SRPK2: variants seen among roughly 807,000 people sequenced by gnomAD.
The protein encoded by SRPK2 is SRSF protein kinase 2.
SRPK2 carries 21 observed loss-of-function variants against 90.8 expected under a neutral mutation model. That is an observed-to-expected ratio of 0.23 (90% CI 0.16 to 0.33). SRPK2 has a LOEUF of 0.33. Ranked by LOEUF, SRPK2 falls within the 10% of genes least tolerant of loss-of-function variation. SRPK2 has a pLI of 1.00. For synonymous variants in SRPK2, 288 were observed against 311.1 expected (o/e 0.93, Z 0.78); for missense variants, 620 against 869.0 (o/e 0.71, Z 3.60).
At chr7:105,126,403 G>C in intron 14 of SRPK2, 63 bp from the exon 15 acceptor site, 1 of 1,223,282 alleles carries the variant, frequency 8.2e-7, no homozygotes, top group Non-Finnish European at 1.2e-6. Flanking sequence ...TGGGATAAAA[G>C]AAGAGGGAAA....
chr7:105,395,897 TG>T (rs1321280938), intron 1 of SRPK2, among the ~76,000 whole-genome samples: 2 of 152,168 alleles, frequency 1.3e-5, no homozygotes, highest in Non-Finnish European at 2.9e-5. Context: ...ACTATAGTGA[TG>T]TTTTTTAAAA....
chr7:105,333,590 T>C (rs1360090662), intron 2 of SRPK2, among the ~76,000 whole-genome samples: 2 of 152,242 alleles, frequency 1.3e-5, no homozygotes, highest in Admixed American at 1.3e-4. Flanking sequence ...GAAAAGTATG[T>C]CCTGAGAGCC....
intron 2 of SRPK2, among the ~76,000 whole-genome samples, chr7:105,263,152 G>A (rs759046770): frequency 5.9e-5 from 9 of 151,988 alleles, no homozygotes; most frequent in Admixed American, 2.0e-4. Flanking sequence ...GCAAAACCCC[G>A]TGTCTACTAA....
intron 2 of SRPK2, among the ~76,000 whole-genome samples, chr7:105,206,893 GAGAGATTCCTGGCCATA>G: frequency 6.6e-6 from 1 of 152,318 alleles, no homozygotes; most frequent in South Asian, 2.1e-4. Flanking sequence ...GCCTCACGTT[GAGAGATTCCTGGCCATA>G]AGTGATGATT....
chr7:105,394,083 G>C (rs1317002465), upstream of SRPK2, among the ~76,000 whole-genome samples: 1 of 151,864 alleles, frequency 6.6e-6, no homozygotes, highest in Non-Finnish European at 1.5e-5. Flanking sequence ...GACAGTTCAT[G>C]TAAATGGAAT....
At chr7:105,249,215 G>A (rs1277867782) in intron 2 of SRPK2, among the ~76,000 whole-genome samples, 1 of 152,166 alleles carries the variant, frequency 6.6e-6, no homozygotes, top group Non-Finnish European at 1.5e-5. Flanking sequence ...AGGCATAGGG[G>A]TTTGGAGCTC....
At chr7:105,361,888 G>C (rs934434942) in intron 2 of SRPK2, among the ~76,000 whole-genome samples, 11 of 152,078 alleles carry the variant, frequency 7.2e-5, no homozygotes, top group Admixed American at 6.6e-5. Flanking sequence ...AGAAAACCTA[G>C]GCAATACCAT....
chr7:105,371,177 A>G (rs1051200145), intron 2 of SRPK2, among the ~76,000 whole-genome samples: 1 of 142,572 alleles, frequency 7.0e-6, no homozygotes, highest in Admixed American at 7.0e-5. Context: ...CCCAAGGTGA[A>G]TGGATCACTT....
chr7:105,200,058 T>C (rs1358129822), intron 3 of SRPK2, among the ~76,000 whole-genome samples: 3 of 152,154 alleles, frequency 2.0e-5, no homozygotes, highest in South Asian at 4.2e-4. Context: ...TCCCAATACT[T>C]TGGGAGGCTG....
At chr7:105,137,272 G>T (rs1321535798) in intron 11 of SRPK2, among the ~76,000 whole-genome samples, 2 of 152,194 alleles carry the variant, frequency 1.3e-5, no homozygotes, top group African/African-American at 2.4e-5. Context: ...CACCAACAGA[G>T]ACCTGCCAGG....
chr7:105,319,166 A>AAC (rs1187088633), intron 2 of SRPK2, among the ~76,000 whole-genome samples: 3 of 152,212 alleles, frequency 2.0e-5, no homozygotes, highest in Non-Finnish European at 4.4e-5. Flanking sequence ...TCACAGATCT[A>AAC]ATTTCTGTGA....
intron 3 of SRPK2, among the ~76,000 whole-genome samples, chr7:105,197,715 C>T (rs868194641): frequency 5.3e-5 from 8 of 151,976 alleles, no homozygotes; most frequent in African/African-American, 1.7e-4. Flanking sequence ...GTTGGGGATG[C>T]GGGGGACAAT....
intron 2 of SRPK2, among the ~76,000 whole-genome samples, chr7:105,265,458 G>A (rs927894184): frequency 5.3e-5 from 8 of 152,164 alleles, no homozygotes; most frequent in African/African-American, 1.9e-4. Flanking sequence ...GGGGGGTCAT[G>A]GAACCAATCA....
intron 3 of SRPK2, among the ~76,000 whole-genome samples, chr7:105,200,842 A>G (rs1329593467): frequency 6.6e-6 from 1 of 152,260 alleles, no homozygotes; most frequent in Non-Finnish European, 1.5e-5. Flanking sequence ...TACAAAAACA[A>G]GAAAACAGAA....
intron 3 of SRPK2, among the ~76,000 whole-genome samples, chr7:105,172,325 A>T (rs1317968557): frequency 6.6e-6 from 1 of 152,248 alleles, no homozygotes; most frequent in Non-Finnish European, 1.5e-5. Flanking sequence ...AAAATAAACT[A>T]TAATATACTG....
chr7:105,171,615 AAT>A (rs1219337144), intron 3 of SRPK2, among the ~76,000 whole-genome samples: 1 of 152,174 alleles, frequency 6.6e-6, no homozygotes, highest in East Asian at 1.9e-4. Context: ...ATACTTCAAG[AAT>A]ATATTTCTGA....
chr7:105,209,864 C>G (rs1796643744), intron 2 of SRPK2, among the ~76,000 whole-genome samples: 1 of 152,016 alleles, frequency 6.6e-6, no homozygotes, highest in Non-Finnish European at 1.5e-5. Flanking sequence ...TATTTTTACA[C>G]TACAAAGAAA....
intron 7 of SRPK2, among the ~76,000 whole-genome samples, chr7:105,156,567 C>G (rs1269716667): frequency 1.3e-5 from 2 of 152,172 alleles, no homozygotes; most frequent in Admixed American, 6.5e-5. Flanking sequence ...GTGGCACCAT[C>G]ATGGCTCACT....
chr7:105,126,218 G>T, intron 15 of SRPK2, 30 bp downstream of exon 15: 1 of 1,519,450 alleles, frequency 6.6e-7, no homozygotes, highest in Non-Finnish European at 9.1e-7. Flanking sequence ...TGTCTGCATC[G>T]TGGCGCTTTT....
Sources: allele counts gnomAD v4.1 joint callset (sites outside exome capture counted in the v4.1 genomes callset), GRCh38; gene constraint gnomAD v4.1.1; transcripts MANE v1.5; gene names NCBI Gene and HGNC (gene_info 2026-07-23, HGNC 2026-07-21).